FBXO11: variants seen among roughly 807,000 people sequenced by gnomAD.
FBXO11 encodes F-box protein 11.
A neutral mutation model predicts 117.0 loss-of-function variants in FBXO11; 13 were observed. The ratio of observed to expected loss-of-function variants is 0.11; its 90% CI spans 0.07 to 0.18. FBXO11 has a LOEUF of 0.18. FBXO11 is among the 10% of genes least tolerant of loss of function. The pLI, the probability that FBXO11 is intolerant of heterozygous loss-of-function variation, is 1.00. For missense variants in FBXO11, 767 were observed against 1,164.4 expected, an observed-to-expected ratio of 0.66 and a Z score of 4.97; for synonymous variants, 490 against 380.5, an observed-to-expected ratio of 1.29 and a Z score of -3.35.
chr2:47,849,793 G>A (rs1394687241), intron 1 of FBXO11, among the ~76,000 whole-genome samples: 1 of 152,190 alleles, frequency 6.6e-6, no homozygotes, highest in Non-Finnish European at 1.5e-5. Flanking sequence ...ACCTGAAGGT[G>A]CTCATCTCCA....
rs1553334463 is a variant in FBXO11 at position 47,807,334 on chromosome 2, C to CTT, written c.*782_*783dup. ...TTCACAAAACTGAGTTACAAGAATA[C>CTT]TTTTGTTTTACAGTGCATCCCTTCC... On this transcript the variant is annotated 3_prime_UTR_variant, in exon 23 of 23. Coordinates refer to ENST00000403359, the MANE Select transcript of FBXO11 (RefSeq NM_001190274.2). The CTT allele has an allele frequency of 4.7e-6, 1 of 213,250 alleles. No homozygotes were observed. Among genetic ancestry groups the CTT allele is most frequent in the Non-Finnish European group, 9.5e-6 (1 of 105,406 alleles). The allele number at this position is 213,250 out of a possible 1,614,324, so 13.2% of individuals were successfully genotyped here.
At chr2:47,898,384 G>A (rs1406891176) in intron 1 of FBXO11, among the ~76,000 whole-genome samples, 1 of 152,162 alleles carries the variant, frequency 6.6e-6, no homozygotes, top group African/African-American at 2.4e-5. Context: ...AAACCATGGT[G>A]AGAAAAGAAT....
chr2:47,836,660 T>C (rs1233069536), intron 4 of FBXO11, among the ~76,000 whole-genome samples: 1 of 152,060 alleles, frequency 6.6e-6, no homozygotes, highest in Non-Finnish European at 1.5e-5. Flanking sequence ...TAACTGCGTA[T>C]GAAAATTTGT....
At chr2:47,881,165 T>C (rs1188266562) in intron 1 of FBXO11, among the ~76,000 whole-genome samples, 2 of 152,000 alleles carry the variant, frequency 1.3e-5, no homozygotes, top group East Asian at 1.9e-4. Flanking sequence ...CGCAGTAGAA[T>C]CACTTGAACC....
chr2:47,874,993 ATTC>A (rs1675894774), intron 1 of FBXO11, among the ~76,000 whole-genome samples: 1 of 151,842 alleles, frequency 6.6e-6, no homozygotes, highest in African/African-American at 2.4e-5. Context: ...TCTGCATTCA[ATTC>A]TTAAGTCTGA....
Position 47,839,724 on chromosome 2 carries a change from C to T in FBXO11, c.278G>A (p.Gly93Asp), listed in dbSNP as rs139442555. 12 of 1,614,030 alleles carry T rather than the reference C, an allele frequency of 7.4e-6. No individual in the cohort carries two copies. The highest frequency in any genetic ancestry group is 1.0e-5 in the Non-Finnish European group (12 of 1,179,980). Residue 93 changes from glycine (G) to aspartate (D), a missense_variant, in exon 2 of 23, where the codon GGT (glycine) becomes GAT (aspartate). Physicochemically the swap from Gly to Asp is moderately conservative, Grantham distance 94. Coordinates refer to ENST00000403359, the MANE Select transcript of FBXO11 (RefSeq NM_001190274.2). ...ADMVAEESGPGAQNSPYQLRR... is the reference protein window; with the variant it reads ...ADMVAEESGPDAQNSPYQLRR... ...AAGTTGGTATGGACTATTTTGTGCACCAGGACCTGATTCTTCTGCAACCAT... is the reference window on the plus strand; with the variant it reads ...AAGTTGGTATGGACTATTTTGTGCATCAGGACCTGATTCTTCTGCAACCAT...
intron 1 of FBXO11, among the ~76,000 whole-genome samples, chr2:47,853,897 G>T (rs901759424): frequency 6.6e-6 from 1 of 152,298 alleles, no homozygotes; most frequent in Non-Finnish European, 1.5e-5. Flanking sequence ...TAGAAATAAT[G>T]ATTTCTATTA....
chr2:47,900,458 T>C (rs986465669), intron 1 of FBXO11, among the ~76,000 whole-genome samples: 2 of 151,960 alleles, frequency 1.3e-5, no homozygotes, highest in African/African-American at 4.8e-5. Flanking sequence ...ATAACTAGCA[T>C]TCCTGACTAG....
intron 1 of FBXO11, among the ~76,000 whole-genome samples, chr2:47,857,324 T>C (rs758464477): frequency 3.9e-5 from 6 of 152,162 alleles, no homozygotes; most frequent in Non-Finnish European, 8.8e-5. Flanking sequence ...TTTTGTTTTG[T>C]TGCCCAGGCT....
chr2:47,874,050 TAAAAAGAC>T (rs1454022753), intron 1 of FBXO11, among the ~76,000 whole-genome samples: 1 of 151,918 alleles, frequency 6.6e-6, no homozygotes, highest in African/African-American at 2.4e-5. Flanking sequence ...CCGTCTCTAC[TAAAAAGAC>T]AAAAAATTAG....
intron 11 of FBXO11, among the ~76,000 whole-genome samples, chr2:47,824,042 C>T (rs1001989003): frequency 6.6e-6 from 1 of 152,018 alleles, no homozygotes; most frequent in Non-Finnish European, 1.5e-5. Context: ...CTATATACAT[C>T]CTCTAATAAG....
chr2:47,809,962 A>T, intron 19 of FBXO11: 1 of 497,674 alleles, frequency 2.0e-6, no homozygotes, highest in Non-Finnish European at 3.5e-6. Flanking sequence ...CTTGGATTTC[A>T]TTTGCATCCA....
chr2:47,862,950 G>A (rs1158742417), intron 1 of FBXO11, among the ~76,000 whole-genome samples: 1 of 151,548 alleles, frequency 6.6e-6, no homozygotes. Flanking sequence ...AGCTACTTGG[G>A]AGGCTAAGGC....
intron 4 of FBXO11, among the ~76,000 whole-genome samples, chr2:47,836,705 CA>C (rs1279425542): frequency 2.6e-5 from 4 of 152,156 alleles, no homozygotes; most frequent in African/African-American, 9.7e-5. Context: ...AATTTCCTTA[CA>C]AACTGTTTAC....
intron 1 of FBXO11, among the ~76,000 whole-genome samples, chr2:47,900,655 TACAC>T (rs146859492): frequency 9.9e-5 from 10 of 100,802 alleles, no homozygotes; most frequent in South Asian, 4.4e-4. Context: ...TACACACGTA[TACAC>T]ACACGTACGT....
At chr2:47,859,099 T>A (rs1323048706) in intron 1 of FBXO11, among the ~76,000 whole-genome samples, 1 of 151,268 alleles carries the variant, frequency 6.6e-6, no homozygotes, top group Admixed American at 6.6e-5. Flanking sequence ...GCTATAAAAT[T>A]AAAGGAATTC....
In FBXO11 at chr2:47,887,810, G is replaced by GA. The variant is rs1676975761; in HGVS notation, c.232+17678dup. On this transcript the variant is annotated intron_variant, in intron 1 of 22. Transcript: ENST00000403359. ...TGGGAGGCAGAGGCTGCAATGAGCC[G>GA]AGATTGTGCTATTGCATTCCAGCCT... 3.3e-5 allele frequency among the ~76,000 whole-genome samples: 5 copies of GA among 152,246 alleles called. No homozygotes were observed. The South Asian group carries it at 1.0e-3, about 32-fold the overall frequency.
intron 1 of FBXO11, among the ~76,000 whole-genome samples, chr2:47,850,426 A>C (rs1192919174): frequency 6.6e-6 from 1 of 152,208 alleles, no homozygotes; most frequent in Non-Finnish European, 1.5e-5. Flanking sequence ...CAGAAAATAC[A>C]CTACACTAGG....
At chr2:47,868,828 T>A (rs1675395461) in intron 1 of FBXO11, among the ~76,000 whole-genome samples, 1 of 152,152 alleles carries the variant, frequency 6.6e-6, no homozygotes, top group Admixed American at 6.5e-5. Flanking sequence ...AGGTACCTAG[T>A]GGCAGGTGGA....
Sources: allele counts gnomAD v4.1 joint callset (sites outside exome capture counted in the v4.1 genomes callset), GRCh38; gene constraint gnomAD v4.1.1; transcripts MANE v1.5; gene names NCBI Gene and HGNC (gene_info 2026-07-23, HGNC 2026-07-21).